The following LILRB5 variants were observed in gnomAD, a reference collection of about 807,000 sequenced individuals.
LILRB5 encodes the protein leukocyte immunoglobulin-like receptor subfamily B member 5.
Under a neutral mutation model 68.4 loss-of-function variants are expected in LILRB5, and 61 were observed. The ratio of observed to expected loss-of-function variants is 0.89; its 90% CI spans 0.73 to 1.10. The LOEUF (loss-of-function observed/expected upper bound fraction) is 1.10, where lower values mean the gene tolerates loss of function less well. Among genes scored for constraint, LILRB5 ranks in the 50% least tolerant of loss-of-function variants. The pLI is 0.00. For missense variants in LILRB5, 771 were observed against 751.6 expected (o/e 1.03, Z -0.30); for synonymous variants, 356 against 315.8 (o/e 1.13, Z -1.35).
rs746044279 is a variant in LILRB5, at chr19:54,255,439, A to T, written c.799T>A (p.Ser267Thr). 1 of 1,614,076 alleles carries T rather than the reference A, an allele frequency of 6.2e-7. No individual in the cohort carries two copies. Among genetic ancestry groups the T allele is most frequent in the Non-Finnish European group, 8.5e-7 (1 of 1,179,986 alleles). ...KEGEHDLVQG[S>T]GQQPQAGLSQ... Reference sequence around the variant, plus strand: ...AGCCCAGCCTGGGGCTGCTGGCCAGAGCCCTGGACGAGGTCATGTTCCCCC... The same window carrying T: ...AGCCCAGCCTGGGGCTGCTGGCCAGTGCCCTGGACGAGGTCATGTTCCCCC... The change falls in exon 5 of 13, where the codon TCT becomes ACT. Residue 267 changes from serine to threonine, a missense_variant. By Grantham distance (58) the Ser-to-Thr change is moderately conservative. Transcript: ENST00000449561.
chr19:54,255,768 C>T, intron 4 of LILRB5, 186 bp from the exon 5 acceptor site: 1 of 777,742 alleles, frequency 1.3e-6, no homozygotes, highest in Non-Finnish European at 2.0e-6. Flanking sequence ...TCTCTGACTC[C>T]TGGCCACTGT....
chr19:54,254,599 G>A (rs777597590), intron 6 of LILRB5, 136 bp downstream of exon 6: 5 of 1,275,100 alleles, frequency 3.9e-6, no homozygotes, highest in African/African-American at 1.5e-5. Flanking sequence ...CCCTCTGAGG[G>A]GTGAGTCTCC....
Position 54,252,922 on chromosome 19 carries a change from G to A in LILRB5, c.1423C>T (p.Leu475Phe), listed in dbSNP as rs141501557. Residue 475 changes from leucine to phenylalanine, a missense_variant, in exon 9 of 13, where the codon CTC becomes TTC. Leu to Phe is a conservative substitution (Grantham distance 22, BLOSUM62 0). Transcript: ENST00000449561. ...CGATGTCGGAGGAGGAGGAAGAGGA[G>A]GAGGAACAGCAGCAGGACGAAGGCC... is the stretch of plus-strand genomic sequence containing the variant. Reference protein sequence around the residue: ...SVAFVLLLFLLLFLLLRHRHQ... With the variant: ...SVAFVLLLFLFLFLLLRHRHQ... 2.1e-5 allele frequency: 34 copies of A among 1,593,352 alleles called. No individual in the cohort carries two copies. The African/African-American group carries it at 3.6e-4, about 17-fold the overall frequency.
chr19:54,255,954 G>T (rs563129869), intron 4 of LILRB5, 89 bp downstream of exon 4: 3 of 1,081,232 alleles, frequency 2.8e-6, no homozygotes, highest in East Asian at 2.4e-5. Flanking sequence ...ATCCTTCTGG[G>T]GTCCTTGCCA....
rs146369950 is a variant in LILRB5, at chr19:54,252,940, C to T, written c.1405G>A (p.Val469Ile). ...GVVTGVSVAFVLLLFLLLFLL... is the reference protein window; with the variant it reads ...GVVTGVSVAFILLLFLLLFLL... ...AAGAGGAGGAGGAACAGCAGCAGGA[C>T]GAAGGCCACTGAGACCCCAGTCACA... Residue 469 changes from valine (V) to isoleucine (I), a missense_variant, in exon 9 of 13, where the codon GTC (valine) becomes ATC (isoleucine). Transcript: ENST00000449561. 1.6e-5 allele frequency: 26 copies of T among 1,582,906 alleles called. No homozygotes were observed. Among genetic ancestry groups the T allele is most frequent in the Middle Eastern group, 3.4e-4 (2 of 5,920 alleles).
intron 9 of LILRB5, 159 bp from the exon 10 acceptor site, chr19:54,252,708 C>A: frequency 1.0e-6 from 1 of 994,728 alleles, no homozygotes; most frequent in Non-Finnish European, 1.5e-6. Context: ...CAAGCACTTC[C>A]ACACATGCTC....
rs912052726 is a variant in LILRB5, at chr19:54,255,191, A to T, written c.952+95T>A. 133 of 1,282,740 alleles carry T rather than the reference A, an allele frequency of 1.0e-4. 2 individuals carry two copies. The highest frequency in any genetic ancestry group is 7.0e-4 in the Admixed American group (25 of 35,760). The allele number at this position is 1,282,740 out of a possible 1,614,324, so 79.5% of individuals were successfully genotyped here. A position where few individuals can be genotyped will look rare whatever the true frequency, so the allele number is the denominator to read the frequency against. ...GTCTGTCTCTCCCTCCCTTGGGACCACCCCCCCGCCTCATCCCGGCCATCA... is the reference window on the plus strand; with the variant it reads ...GTCTGTCTCTCCCTCCCTTGGGACCTCCCCCCCGCCTCATCCCGGCCATCA... On this transcript the variant is annotated intron_variant, in intron 5 of 12. Coordinates refer to ENST00000449561, the MANE Select transcript of LILRB5 (RefSeq NM_001081442.3).
At chr19:54,251,901 G>GTGA (rs2078965540) in intron 12 of LILRB5, 153 bp downstream of exon 12, 1 of 862,074 alleles carries the variant, frequency 1.2e-6, no homozygotes, top group African/African-American at 1.7e-5. Flanking sequence ...GCAGAAGAGA[G>GTGA]TGAGGTCGCA....
chr19:54,251,637 A>G lies in LILRB5; in HGVS notation c.1629+417T>C, dbSNP rs940813963. ...ATTTATTTGCATTTTGTCTCCCACC[A>G]TGAGGTGAGCTCAGGAGGCGGGGGC... On this transcript the variant is annotated intron_variant, in intron 12 of 12. Coordinates refer to ENST00000449561, the MANE Select transcript of LILRB5 (RefSeq NM_001081442.3). 1.7e-4 allele frequency: 99 copies of G among 594,856 alleles called. 1 individual carries two copies. Among genetic ancestry groups the G allele is most frequent in the Admixed American group, 5.4e-4 (25 of 46,132 alleles). 36.8% of individuals were successfully genotyped at this position (594,856 alleles called of 1,614,324 possible). A position where few individuals can be genotyped will look rare whatever the true frequency, so the allele number is the denominator to read the frequency against.
At position 54,252,919 on chromosome 19, in the gene LILRB5, G is replaced by T; in HGVS notation, c.1426C>A (p.Leu476Ile). Residue 476 changes from leucine to isoleucine, a missense_variant, in exon 9 of 13, where the codon CTC becomes ATC. Leu to Ile is a conservative substitution (Grantham distance 5). Coordinates refer to ENST00000449561, the MANE Select transcript of LILRB5 (RefSeq NM_001081442.3). ...VAFVLLLFLL[L>I]FLLLRHRHQS... ...TGCCGATGTCGGAGGAGGAGGAAGA[G>T]GAGGAGGAACAGCAGCAGGACGAAG... 6.3e-7 allele frequency: 1 copy of T among 1,594,244 alleles called. No homozygotes were observed. Among genetic ancestry groups the T allele is most frequent in the Non-Finnish European group, 8.6e-7 (1 of 1,167,698 alleles).
intron 8 of LILRB5, chr19:54,253,592 A>G (rs1409329921): frequency 2.2e-6 from 1 of 450,874 alleles, no homozygotes; most frequent in Non-Finnish European, 4.1e-6. Flanking sequence ...CAGTTCTGTG[A>G]GCTGGATGGG....
rs1360439046 is a variant in LILRB5 at position 54,256,663 on chromosome 19, C to G, written c.181G>C (p.Asp61His). 6.2e-7 allele frequency: 1 copy of G among 1,614,186 alleles called. No homozygotes were observed. Residue 61 changes from aspartate to histidine, a missense_variant, in exon 3 of 13, where the codon GAT becomes CAT. Asp to His is a moderately conservative substitution (Grantham distance 81). Coordinates refer to ENST00000449561, the MANE Select transcript of LILRB5 (RefSeq NM_001081442.3). ...CGGGCCCATGGGAGTCCCTCCTTAT[C>G]CAGACGGTACTCCTCAGTCTCCAGG... ...GPLETEEYRLDKEGLPWARKR... is the reference protein window; with the variant it reads ...GPLETEEYRLHKEGLPWARKR...
At chr19:54,252,608 A>G (rs371458227) in intron 9 of LILRB5, 59 bp from the exon 10 acceptor site, 2 of 1,584,572 alleles carry the variant, frequency 1.3e-6, no homozygotes, top group African/African-American at 2.7e-5. Context: ...TGCCCTGCAC[A>G]CACAACTCGA....
At position 54,252,238 on chromosome 19, in the gene LILRB5, C is replaced by A. The variant is rs1010903280; in HGVS notation, c.1576+128G>T. On this transcript the variant is annotated intron_variant, in intron 11 of 12. Transcript: ENST00000449561. ...GGACTGTGATGTCCCTGAGGTCCCA[C>A]AGTGTGGGTTCAGACCGCCTCCCCC... The A allele has an allele frequency of 2.1e-6, 3 of 1,443,972 alleles. No individual in the cohort carries two copies. In the African/African-American group the frequency reaches 4.2e-5, roughly 20 times the overall value. 89.4% of individuals were successfully genotyped at this position (1,443,972 alleles called of 1,614,324 possible). A position where few individuals can be genotyped will look rare whatever the true frequency, so the allele number is the denominator to read the frequency against.
At chr19:54,252,274 A>AC (rs1190773258) in intron 11 of LILRB5, 92 bp downstream of exon 11, 84 of 1,424,194 alleles carry the variant, frequency 5.9e-5, no homozygotes, top group East Asian at 1.2e-4. Flanking sequence ...TTGGCCCCAG[A>AC]CCCCCCCCAG....
rs1443240366 is a variant in LILRB5 at position 54,250,696 on chromosome 19, G to A, written c.*90C>T. On this transcript the variant is annotated 3_prime_UTR_variant, in exon 13 of 13. Coordinates refer to ENST00000449561, the MANE Select transcript of LILRB5 (RefSeq NM_001081442.3). The stretch of plus-strand genomic sequence containing the variant: ...TTGTTAGGGGTCCAGGCTGGCTGGG[G>A]TTCATTGGTGTCCACTGGGGGCAGC... 3 of 1,549,070 alleles carry A rather than the reference G, an allele frequency of 1.9e-6. No individual in the cohort carries two copies. The highest frequency in any genetic ancestry group is 2.7e-5 in the African/African-American group (2 of 73,148).
rs759570052 is a variant in LILRB5 at position 54,255,313 on chromosome 19, TG to T, written c.924del (p.Ser309AlafsTer7). On this transcript the variant is annotated frameshift_variant, in exon 5 of 13. Transcript: ENST00000449561. LOFTEE classifies it high-confidence loss of function. ...GCGATCAGGATGTCCAGGGGGTCGC[TG>T]GGGGCCGACCACCTAGGGGAGAGGT... ...AHNLSPRWSA[P>X]SDPLDILIAG... 6.2e-7 allele frequency: 1 copy of T among 1,613,552 alleles called. No homozygotes were observed. Among genetic ancestry groups the T allele is most frequent in the South Asian group, 1.1e-5 (1 of 91,070 alleles).
chr19:54,254,642 C>G lies in LILRB5; in HGVS notation c.1255+93G>C, dbSNP rs541883631. ...TGAGCCCCCCTCAAACCCTCCCCCC[C>G]GCACCGCGACTCCATCCCAGCCCAG... On this transcript the variant is annotated intron_variant, in intron 6 of 12. Transcript: ENST00000449561. The G allele has an allele frequency of 8.2e-4, 1,227 of 1,504,164 alleles. 5 individuals carry two copies. Among genetic ancestry groups the G allele is most frequent in the Middle Eastern group, 3.6e-3 (21 of 5,822 alleles). The allele number at this position is 1,504,164 out of a possible 1,614,324, so 93.2% of individuals were successfully genotyped here. A position where few individuals can be genotyped will look rare whatever the true frequency, so the allele number is the denominator to read the frequency against.
Position 54,255,589 on chromosome 19 carries a change from G to A in LILRB5, c.656-7C>T, listed in dbSNP as rs537869049. On this transcript the variant is annotated splice_region_variant and splice_polypyrimidine_tract_variant and intron_variant, in intron 4 of 12. Coordinates refer to ENST00000449561, the MANE Select transcript of LILRB5 (RefSeq NM_001081442.3). ...GAGGGCTTCCTAGACACGCCTGGAGGGAAAGAGGAATTGGGACTTGGAAGG... is the reference window on the plus strand; with the variant it reads ...GAGGGCTTCCTAGACACGCCTGGAGAGAAAGAGGAATTGGGACTTGGAAGG... 1.2e-6 allele frequency: 2 copies of A among 1,610,760 alleles called. No homozygotes were observed. Among genetic ancestry groups the A allele is most frequent in the Admixed American group, 1.7e-5 (1 of 59,848 alleles).
Sources: allele counts gnomAD v4.1 joint callset, GRCh38; gene constraint gnomAD v4.1.1; transcripts MANE v1.5; gene names NCBI Gene and HGNC (gene_info 2026-07-23, HGNC 2026-07-21).